The following CPED1 variants were observed in gnomAD, a reference collection of about 807,000 sequenced individuals.
CPED1 encodes the protein cadherin like and PC-esterase domain containing 1.
Under a neutral mutation model 128.2 loss-of-function variants are expected in CPED1, and 114 were observed. The observed-to-expected ratio is 0.89, with a 90% CI of 0.76 to 1.04. CPED1 has a LOEUF of 1.04. Ranked by LOEUF, CPED1 falls within the 50% of genes least tolerant of loss-of-function variation. The probability of loss-of-function intolerance (pLI) is 0.00; values close to 1 mark genes in which losing one functional copy is unlikely to be tolerated. For missense variants in CPED1, 1,211 were observed against 1,207.1 expected, an observed-to-expected ratio of 1.00 and a Z score of -0.05; for synonymous variants, 462 against 426.7, an observed-to-expected ratio of 1.08 and a Z score of -1.02.
At chr7:121,090,242 C>T (rs1217363951) in intron 5 of CPED1, among the ~76,000 whole-genome samples, 1 of 152,166 alleles carries the variant, frequency 6.6e-6, no homozygotes, top group Non-Finnish European at 1.5e-5. Flanking sequence ...ATGACTACCC[C>T]TTTAGAGCAC....
intron 12 of CPED1, among the ~76,000 whole-genome samples, chr7:121,132,972 C>T (rs1012176136): frequency 1.3e-5 from 2 of 152,038 alleles, no homozygotes; most frequent in Non-Finnish European, 2.9e-5. Flanking sequence ...CTGAATATGT[C>T]ATATTCATCT....
rs1229319681 is a variant in CPED1, at chr7:121,046,903, G to A, written c.450G>A (p.Trp150Ter). The change falls in exon 4 of 23, where the codon TGG becomes TGA. Residue 150 changes from tryptophan to a stop codon, truncating the protein, a stop_gained. Transcript: ENST00000310396. LOFTEE classifies it high-confidence loss of function. ...GLLEQGDLGS[W>*]DLLICLSSKK... ...TGCTTTTAGGTGATCTGGGCTCTTGGGATCTGCTCATTTGCCTGTCTTCTA... is the reference window on the plus strand; with the variant it reads ...TGCTTTTAGGTGATCTGGGCTCTTGAGATCTGCTCATTTGCCTGTCTTCTA... 4 of 1,610,978 alleles carry A rather than the reference G, an allele frequency of 2.5e-6. No individual in the cohort carries two copies. The highest frequency in any genetic ancestry group is 3.3e-5 in the Admixed American group (2 of 59,856).
At chr7:121,077,089 A>C (rs1463427432) in intron 5 of CPED1, among the ~76,000 whole-genome samples, 1 of 152,086 alleles carries the variant, frequency 6.6e-6, no homozygotes, top group Non-Finnish European at 1.5e-5. Context: ...ATCCCCCATG[A>C]AACTTGGGAG....
chr7:121,042,046 T>C (rs927000626), intron 3 of CPED1, among the ~76,000 whole-genome samples: 1 of 152,064 alleles, frequency 6.6e-6, no homozygotes, highest in African/African-American at 2.4e-5. Context: ...TTATGCCCTA[T>C]GACCTTTCTA....
At chr7:121,136,018 T>G (rs1231351324) in intron 13 of CPED1, 22 bp from the exon 14 acceptor site, 1 of 1,477,282 alleles carries the variant, frequency 6.8e-7, no homozygotes, top group Non-Finnish European at 9.1e-7. Context: ...TATTTTAAAT[T>G]TACATTTCTT....
intron 22 of CPED1, among the ~76,000 whole-genome samples, chr7:121,274,897 G>C (rs1470223940): frequency 6.6e-6 from 1 of 152,080 alleles, no homozygotes; most frequent in Non-Finnish European, 1.5e-5. Context: ...TGTCTAAAAA[G>C]TTAAAGGGCA....
intron 7 of CPED1, among the ~76,000 whole-genome samples, chr7:121,107,528 C>G (rs1795006966): frequency 6.6e-6 from 1 of 151,988 alleles, no homozygotes; most frequent in Non-Finnish European, 1.5e-5. Flanking sequence ...AATAGAGACT[C>G]CACTCATCAA....
chr7:121,143,311 C>T (rs922867933), intron 16 of CPED1, among the ~76,000 whole-genome samples: 6 of 151,974 alleles, frequency 3.9e-5, no homozygotes, highest in Admixed American at 1.3e-4. Context: ...TACTATAGGA[C>T]TTCCCTGAAC....
chr7:121,186,051 G>C (rs776556665), intron 16 of CPED1, among the ~76,000 whole-genome samples: 4 of 152,204 alleles, frequency 2.6e-5, no homozygotes, highest in Non-Finnish European at 4.4e-5. Flanking sequence ...GGCTATTCTT[G>C]CATAAAGACA....
intron 5 of CPED1, among the ~76,000 whole-genome samples, chr7:121,068,127 C>T (rs532352777): frequency 6.6e-6 from 1 of 152,260 alleles, no homozygotes; most frequent in African/African-American, 2.4e-5. Context: ...AATTAGATCC[C>T]ATTTGTCAAT....
At chr7:121,263,846 A>G (rs1354176407) in intron 18 of CPED1, among the ~76,000 whole-genome samples, 1 of 151,894 alleles carries the variant, frequency 6.6e-6, no homozygotes, top group Admixed American at 6.6e-5. Context: ...TACAAGAAAA[A>G]CCCACACTGG....
chr7:121,080,664 AC>A (rs1794262216), intron 5 of CPED1, among the ~76,000 whole-genome samples: 1 of 152,098 alleles, frequency 6.6e-6, no homozygotes, highest in Admixed American at 6.6e-5. Flanking sequence ...ACTATACTGT[AC>A]TGTAATTTGT....
chr7:121,129,517 A>G (rs772475315), intron 11 of CPED1, among the ~76,000 whole-genome samples: 1 of 151,510 alleles, frequency 6.6e-6, no homozygotes, highest in Non-Finnish European at 1.5e-5. Context: ...TTTTAAACGT[A>G]TAAGTATTAC....
At chr7:121,120,121 A>G (rs991930170) in intron 7 of CPED1, among the ~76,000 whole-genome samples, 1 of 152,188 alleles carries the variant, frequency 6.6e-6, no homozygotes, top group Non-Finnish European at 1.5e-5. Context: ...GGGTGTGTAA[A>G]TATGTCTTTG....
chr7:121,259,938 A>G lies in CPED1; in HGVS notation c.2311-6289A>G, dbSNP rs184009964. Among the ~76,000 whole-genome samples, 467 of 152,144 alleles carry G rather than the reference A, an allele frequency of 3.1e-3. 8 individuals carry two copies. Among genetic ancestry groups the G allele is most frequent in the Admixed American group, 0.028 (421 of 15,250 alleles). ...GTGTCTTGGACTTAAAGGTGTTTAAATTTTCAAAGTGTGGCTAATTTAAAA... is the reference window on the plus strand; with the variant it reads ...GTGTCTTGGACTTAAAGGTGTTTAAGTTTTCAAAGTGTGGCTAATTTAAAA... On this transcript the variant is annotated intron_variant, in intron 18 of 22. Transcript: ENST00000310396.
At chr7:121,057,359 T>G (rs971126441) in intron 4 of CPED1, among the ~76,000 whole-genome samples, 5 of 152,196 alleles carry the variant, frequency 3.3e-5, no homozygotes, top group African/African-American at 1.2e-4. Context: ...TATTGTATAA[T>G]GCTGAGGTTT....
At chr7:121,192,484 T>C (rs745617389) in intron 16 of CPED1, among the ~76,000 whole-genome samples, 8 of 152,072 alleles carry the variant, frequency 5.3e-5, no homozygotes, top group African/African-American at 1.9e-4. Context: ...TATGCATGAG[T>C]GTACATGCTG....
At chr7:121,013,774 A>G (rs188516598) in intron 2 of CPED1, among the ~76,000 whole-genome samples, 1 of 152,294 alleles carries the variant, frequency 6.6e-6, no homozygotes, top group East Asian at 1.9e-4. Flanking sequence ...TGTGTGCAAT[A>G]AAAAAATAGG....
At chr7:121,271,940 G>A (rs1792239882) in intron 22 of CPED1, among the ~76,000 whole-genome samples, 1 of 152,092 alleles carries the variant, frequency 6.6e-6, no homozygotes. Context: ...AGGCTAAGCT[G>A]ATAAGGTGAT....
Sources: allele counts gnomAD v4.1 joint callset (sites outside exome capture counted in the v4.1 genomes callset), GRCh38; gene constraint gnomAD v4.1.1; transcripts MANE v1.5; gene names NCBI Gene and HGNC (gene_info 2026-07-23, HGNC 2026-07-21).